MYCBP2: variants seen among roughly 807,000 people sequenced by gnomAD.
MYCBP2 encodes the protein E3 ubiquitin-protein ligase MYCBP2.
MYCBP2 carries 120 observed loss-of-function variants against 525.3 expected under a neutral mutation model. The ratio of observed to expected loss-of-function variants is 0.23; its 90% CI spans 0.20 to 0.27. The LOEUF (loss-of-function observed/expected upper bound fraction) is 0.27, where lower values mean the gene tolerates loss of function less well. MYCBP2 is among the 10% of genes least tolerant of loss of function. The probability of loss-of-function intolerance (pLI) is 1.00; values close to 1 mark genes in which losing one functional copy is unlikely to be tolerated. For synonymous variants in MYCBP2, 1,894 were observed against 1,955.8 expected (o/e 0.97, Z 0.83); for missense variants, 4,149 against 5,657.1 (o/e 0.73, Z 8.55).
At chr13:77,228,699 G>A (rs2066692554) in intron 18 of MYCBP2, among the ~76,000 whole-genome samples, 1 of 150,026 alleles carries the variant, frequency 6.7e-6, no homozygotes, top group Non-Finnish European at 1.5e-5. Flanking sequence ...TGTTGTGTGT[G>A]TGTGTGTGTG....
intron 52 of MYCBP2, among the ~76,000 whole-genome samples, chr13:77,128,665 G>A (rs1481545038): frequency 6.6e-6 from 1 of 151,878 alleles, no homozygotes; most frequent in Admixed American, 6.6e-5. Flanking sequence ...ATAGAACTGT[G>A]CCTATCATGC....
At chr13:77,070,795 T>C in intron 68 of MYCBP2, 84 bp from the exon 69 acceptor site, 2 of 801,484 alleles carry the variant, frequency 2.5e-6, no homozygotes, top group South Asian at 4.1e-5. Flanking sequence ...TCAAAGTAAC[T>C]TGAGAAATAA....
rs977760611 is a variant in MYCBP2, at chr13:77,267,208, C to A, written c.1357+633G>T. Among the ~76,000 whole-genome samples the A allele has an allele frequency of 3.3e-5, 5 of 151,862 alleles. No homozygotes were observed. In the East Asian group the frequency reaches 9.7e-4, roughly 29 times the overall value. On this transcript the variant is annotated intron_variant, in intron 8 of 82. Transcript: ENST00000544440. ...TTCCAGCATTCATCAAAATTGGAGA[C>A]CTACTGCCTGATAATTTAGCAGTGA...
At chr13:77,102,820 CAA>C (rs2047277128) in intron 55 of MYCBP2, among the ~76,000 whole-genome samples, 1 of 151,734 alleles carries the variant, frequency 6.6e-6, no homozygotes, top group Admixed American at 6.6e-5. Context: ...TATTATATAA[CAA>C]TAAGTTTAAG....
At position 77,051,854 on chromosome 13, in the gene MYCBP2, C is replaced by G. The variant is rs1428877966; in HGVS notation, c.13712G>C (p.Arg4571Thr). The G allele has an allele frequency of 2.5e-6, 4 of 1,614,188 alleles. No homozygotes were observed. Among genetic ancestry groups the G allele is most frequent in the South Asian group, 1.1e-5 (1 of 91,084 alleles). Residue 4571 changes from arginine (R) to threonine (T), a missense_variant, in exon 81 of 83, where the codon AGA (arginine) becomes ACA (threonine). Arg to Thr is a moderately conservative substitution (Grantham distance 71, BLOSUM62 -1). Around this residue, in one of 21 missense-constraint regions of MYCBP2, gnomAD observed 24 missense variants for 24.9 expected, o/e 0.96. Coordinates refer to ENST00000544440, the MANE Select transcript of MYCBP2 (RefSeq NM_015057.5). ...EAGRGDDYDP[R>T]ELICGACSDV... ...AGAACAGGCACCACAAATGAGCTCT[C>G]TGGGATCATAATCATCTCCCCGTCC...
At position 77,185,167 on chromosome 13, in the gene MYCBP2, G is replaced by C. The variant is rs774657152; in HGVS notation, c.4655C>G (p.Ser1552Cys). Residue 1552 changes from serine (S) to cysteine (C), a missense_variant, in exon 32 of 83, where the codon TCT becomes TGT. Around this residue, in one of 21 missense-constraint regions of MYCBP2, gnomAD observed 292 missense variants for 330.5 expected, o/e 0.88. Coordinates refer to ENST00000544440, the MANE Select transcript of MYCBP2 (RefSeq NM_015057.5). ...CHNTFTACFH[S>C]FYPTPALQWA... ...CTGTAAGGCAGGAGTTGGGTAGAAAGAATGAAAGCAGGCAGTGAAAGTATT... is the reference window on the plus strand; with the variant it reads ...CTGTAAGGCAGGAGTTGGGTAGAAACAATGAAAGCAGGCAGTGAAAGTATT... The C allele has an allele frequency of 1.2e-6, 2 of 1,614,140 alleles. No homozygotes were observed. Among genetic ancestry groups the C allele is most frequent in the Non-Finnish European group, 1.7e-6 (2 of 1,180,000 alleles).
intron 49 of MYCBP2, among the ~76,000 whole-genome samples, chr13:77,143,405 T>G (rs2054999450): frequency 6.6e-6 from 1 of 152,160 alleles, no homozygotes; most frequent in Admixed American, 6.6e-5. Flanking sequence ...AAACACTTCC[T>G]CTACTGTCCC....
At chr13:77,078,476 C>A (rs1482343065) in intron 66 of MYCBP2, among the ~76,000 whole-genome samples, 1 of 152,124 alleles carries the variant, frequency 6.6e-6, no homozygotes, top group Non-Finnish European at 1.5e-5. Context: ...AGGACAATAA[C>A]CTGTATTAAC....
intron 20 of MYCBP2, 94 bp from the exon 21 acceptor site, chr13:77,218,051 T>C: frequency 1.4e-6 from 1 of 739,356 alleles, no homozygotes; most frequent in Non-Finnish European, 2.2e-6. Flanking sequence ...GTAGGAAAGA[T>C]AAAAGGCACT....
intron 56 of MYCBP2, 80 bp from the exon 57 acceptor site, chr13:77,096,561 A>G (rs2046284825): frequency 4.1e-6 from 6 of 1,446,390 alleles, no homozygotes; most frequent in Non-Finnish European, 4.7e-6. Flanking sequence ...TACATTAATG[A>G]CAGATTTACC....
intron 55 of MYCBP2, among the ~76,000 whole-genome samples, chr13:77,102,669 A>T (rs1184184612): frequency 6.6e-6 from 1 of 151,578 alleles, no homozygotes; most frequent in African/African-American, 2.4e-5. Flanking sequence ...AATATTAGAA[A>T]AATTTATGCC....
At chr13:77,163,133 G>A (rs1830482374) in intron 43 of MYCBP2, among the ~76,000 whole-genome samples, 1 of 152,082 alleles carries the variant, frequency 6.6e-6, no homozygotes, top group African/African-American at 2.4e-5. Context: ...AAGACATTTT[G>A]GTTGTTTCTA....
chr13:77,098,168 G>A lies in MYCBP2; in HGVS notation c.8986C>T (p.His2996Tyr). 1 of 1,613,696 alleles carries A rather than the reference G, an allele frequency of 6.2e-7. No homozygotes were observed. The highest frequency in any genetic ancestry group is 8.5e-7 in the Non-Finnish European group (1 of 1,179,784). Residue 2996 changes from histidine (H) to tyrosine (Y), a missense_variant, in exon 56 of 83, where the codon CAC (histidine) becomes TAC (tyrosine). By Grantham distance (83) the His-to-Tyr change is moderately conservative (BLOSUM62 2). Around this residue, in one of 21 missense-constraint regions of MYCBP2, gnomAD observed 653 missense variants for 744.7 expected, o/e 0.88. Coordinates refer to ENST00000544440, the MANE Select transcript of MYCBP2 (RefSeq NM_015057.5). ...PKISRKCANR[H>Y]TRPKKEKSSF... ...GATTTTTCTTTTTTGGGCCTGGTGT[G>A]TCTATTAGCACATTTTCGACTTATT...
chr13:77,090,927 T>C (rs1179726608), intron 59 of MYCBP2, among the ~76,000 whole-genome samples: 2 of 152,210 alleles, frequency 1.3e-5, no homozygotes, highest in Non-Finnish European at 1.5e-5. Context: ...AGCTATACAA[T>C]TTCCTTTATT....
Position 77,225,471 on chromosome 13 carries a change from G to A in MYCBP2, c.2821C>T (p.Arg941Trp). ...AATCCACAGCTGACTTGGACTGCCC[G>A]GAGCTCACAGTCAAATCGCACAGAG... is the stretch of plus-strand genomic sequence containing the variant. ...PGSVRFDCEL[R>W]AVQVSCGFHH... The change falls in exon 19 of 83, where the codon CGG becomes TGG. Residue 941 changes from arginine to tryptophan, a missense_variant. Around this residue, in one of 21 missense-constraint regions of MYCBP2, gnomAD observed 620 missense variants for 795.5 expected, o/e 0.78. Coordinates refer to ENST00000544440, the MANE Select transcript of MYCBP2 (RefSeq NM_015057.5). The A allele has an allele frequency of 1.9e-6, 3 of 1,613,714 alleles. No individual in the cohort carries two copies. The highest frequency in any genetic ancestry group is 2.2e-5 in the East Asian group (1 of 44,882).
At chr13:77,082,033 T>C (rs1566438038) in intron 63 of MYCBP2, 40 bp from the exon 64 acceptor site, 2 of 1,584,180 alleles carry the variant, frequency 1.3e-6, no homozygotes, top group Non-Finnish European at 8.6e-7. Flanking sequence ...AAATAATTAT[T>C]TTCCAGGAAC....
intron 1 of MYCBP2, among the ~76,000 whole-genome samples, chr13:77,304,129 G>T (rs1269720878): frequency 1.3e-5 from 2 of 152,094 alleles, no homozygotes; most frequent in African/African-American, 4.8e-5. Flanking sequence ...ACTACTGGGT[G>T]TATATCCAAA....
intron 68 of MYCBP2, chr13:77,076,048 T>G (rs144474570): frequency 6.6e-5 from 10 of 152,348 alleles, no homozygotes; most frequent in Admixed American, 6.5e-4. Context: ...CAGAGTTGAC[T>G]TCTCTTTTTG....
At chr13:77,184,424 T>C (rs1037883727) in intron 32 of MYCBP2, among the ~76,000 whole-genome samples, 3 of 152,236 alleles carry the variant, frequency 2.0e-5, no homozygotes, top group Admixed American at 6.5e-5. Context: ...TAGTGAATGG[T>C]CCCAAATATT....
Sources: gnomAD v4.1 joint callset for allele counts (sites outside exome capture counted in the v4.1 genomes callset) on GRCh38, gnomAD v4.1.1 for gene constraint, gnomAD v4.1.1 regional missense constraint, MANE v1.5 for transcripts, NCBI Gene and HGNC (gene_info 2026-07-23, HGNC 2026-07-21) for gene names.